Variants in GRM3 observed in about 807,000 individuals in gnomAD.
The protein encoded by GRM3 is glutamate metabotropic receptor 3.
Under a neutral mutation model 70.5 loss-of-function variants are expected in GRM3, and 26 were observed. That is an observed-to-expected ratio of 0.37 (90% confidence interval 0.27 to 0.51). The LOEUF (loss-of-function observed/expected upper bound fraction) is 0.51, where lower values mean the gene tolerates loss of function less well. GRM3 is among the 20% of genes least tolerant of loss of function. GRM3 has a pLI of 0.93. For missense variants in GRM3, 859 were observed against 1,123.8 expected, an observed-to-expected ratio of 0.76 and a Z score of 3.37; for synonymous variants, 443 against 434.9, an observed-to-expected ratio of 1.02 and a Z score of -0.23.
chr7:86,763,142 G>A (rs1015028134), intron 1 of GRM3, among the ~76,000 whole-genome samples: 1 of 152,112 alleles, frequency 6.6e-6, no homozygotes, highest in Non-Finnish European at 1.5e-5. Context: ...ATTTATCTGA[G>A]AGCACATGAA....
intron 3 of GRM3, among the ~76,000 whole-genome samples, chr7:86,811,348 C>G (rs1320880603): frequency 2.6e-5 from 4 of 151,622 alleles, no homozygotes; most frequent in Non-Finnish European, 4.4e-5. Context: ...CATTTTTAGA[C>G]CAGCCCTAAA....
At chr7:86,855,205 T>C (rs1798824511) in intron 5 of GRM3, among the ~76,000 whole-genome samples, 1 of 152,128 alleles carries the variant, frequency 6.6e-6, no homozygotes, top group Admixed American at 6.6e-5. Context: ...ATAACATATG[T>C]TGGGAATGTA....
At chr7:86,645,641 G>A (rs1038903412) in intron 1 of GRM3, among the ~76,000 whole-genome samples, 2 of 152,022 alleles carry the variant, frequency 1.3e-5, no homozygotes, top group African/African-American at 4.8e-5. Context: ...ATCAAAGGTG[G>A]ACAATTCTCT....
intron 3 of GRM3, among the ~76,000 whole-genome samples, chr7:86,796,805 G>T (rs116373215): frequency 6.6e-6 from 1 of 152,082 alleles, no homozygotes; most frequent in African/African-American, 2.4e-5. Context: ...TTAAATTATA[G>T]CTCTATAATT....
At chr7:86,795,428 C>G (rs976238058) in intron 3 of GRM3, among the ~76,000 whole-genome samples, 2 of 151,984 alleles carry the variant, frequency 1.3e-5, no homozygotes, top group African/African-American at 2.4e-5. Flanking sequence ...GCCCCACATA[C>G]ATTAGCTATT....
intron 1 of GRM3, among the ~76,000 whole-genome samples, chr7:86,724,379 CAG>C (rs1795543360): frequency 6.6e-6 from 1 of 152,150 alleles, no homozygotes; most frequent in African/African-American, 2.4e-5. Context: ...TTCATTAGTG[CAG>C]AGTGTAACCA....
intron 3 of GRM3, among the ~76,000 whole-genome samples, chr7:86,809,965 A>G (rs1797876551): frequency 6.6e-6 from 1 of 152,088 alleles, no homozygotes; most frequent in Admixed American, 6.6e-5. Context: ...ACGATTAAGG[A>G]AAGAACAGGA....
chr7:86,712,109 C>G (rs1473273555), intron 1 of GRM3, among the ~76,000 whole-genome samples: 1 of 152,064 alleles, frequency 6.6e-6, no homozygotes, highest in East Asian at 1.9e-4. Flanking sequence ...TCTCTCTCCT[C>G]AAAGTCTAGT....
At chr7:86,681,577 T>C (rs1164848526) in intron 1 of GRM3, among the ~76,000 whole-genome samples, 1 of 151,718 alleles carries the variant, frequency 6.6e-6, no homozygotes, top group Non-Finnish European at 1.5e-5. Flanking sequence ...GGCTGGGGGG[T>C]GAGGCGGGGT....
intron 1 of GRM3, among the ~76,000 whole-genome samples, chr7:86,724,487 C>T (rs576904219): frequency 6.6e-6 from 1 of 152,032 alleles, no homozygotes. Context: ...CCTAGGAGCC[C>T]TTTACATTAT....
intron 1 of GRM3, among the ~76,000 whole-genome samples, chr7:86,719,819 G>A (rs1235936581): frequency 6.6e-6 from 1 of 151,982 alleles, no homozygotes; most frequent in Non-Finnish European, 1.5e-5. Context: ...CTTACAAGCT[G>A]CCTTAAGGAG....
intron 2 of GRM3, among the ~76,000 whole-genome samples, chr7:86,776,576 C>G (rs1201153662): frequency 2.0e-5 from 3 of 152,038 alleles, no homozygotes; most frequent in Non-Finnish European, 2.9e-5. Flanking sequence ...CAAGCATACC[C>G]AACAGCTTTT....
intron 2 of GRM3, among the ~76,000 whole-genome samples, chr7:86,777,501 G>A (rs1202261287): frequency 6.6e-6 from 1 of 152,032 alleles, no homozygotes; most frequent in Non-Finnish European, 1.5e-5. Flanking sequence ...AGTGTTTTTG[G>A]GGCCCATGGC....
At chr7:86,780,052 C>G (rs1160588505) in intron 2 of GRM3, among the ~76,000 whole-genome samples, 1 of 152,196 alleles carries the variant, frequency 6.6e-6, no homozygotes, top group Non-Finnish European at 1.5e-5. Context: ...AGGACATGAA[C>G]TCATCATTTT....
chr7:86,721,594 T>TTGTGGTAAGTAAG (rs1407844321), intron 1 of GRM3, among the ~76,000 whole-genome samples: 1 of 152,042 alleles, frequency 6.6e-6, no homozygotes, highest in Non-Finnish European at 1.5e-5. Flanking sequence ...AGTACTTGGG[T>TTGTGGTAAGTAAG]TGGAGTCCAA....
chr7:86,710,130 A>C (rs1795159478), intron 1 of GRM3: 1 of 152,126 alleles, frequency 6.6e-6, no homozygotes, highest in African/African-American at 2.4e-5. Context: ...GTTCATAAGA[A>C]GAATAGGCTG....
rs1356935945 is a variant in GRM3, at chr7:86,767,516, TA to T, written c.468+1904del. 7.6e-3 allele frequency among the ~76,000 whole-genome samples: 8 copies of T among 1,054 alleles called. No individual in the cohort carries two copies. The African/African-American group carries it at 0.081, about 11-fold the overall frequency. The allele number at this position is 1,054 out of a possible 152,430, so 0.7% of individuals were successfully genotyped here. On this transcript the variant is annotated intron_variant, in intron 2 of 5. Transcript: ENST00000361669. ...AGGAAAGAGTATCGGTCATACTTCATATATATATATATATATATATATATAT... is the reference window on the plus strand; with the variant it reads ...AGGAAAGAGTATCGGTCATACTTCATTATATATATATATATATATATATAT...
chr7:86,858,813 C>T (rs893194927), intron 5 of GRM3, among the ~76,000 whole-genome samples: 13 of 152,130 alleles, frequency 8.5e-5, no homozygotes, highest in Non-Finnish European at 1.5e-5. Flanking sequence ...TCATACAGTT[C>T]TACTCCCCAT....
intron 3 of GRM3, among the ~76,000 whole-genome samples, chr7:86,829,474 C>A (rs1472947203): frequency 6.6e-6 from 1 of 152,174 alleles, no homozygotes; most frequent in African/African-American, 2.4e-5. Flanking sequence ...TTTCAACATG[C>A]CTTCCTAAGC....
Sources: allele counts gnomAD v4.1 joint callset (sites outside exome capture counted in the v4.1 genomes callset), GRCh38; gene constraint gnomAD v4.1.1; transcripts MANE v1.5; gene names NCBI Gene and HGNC (gene_info 2026-07-23, HGNC 2026-07-21).